The following CDKAL1 variants were observed in gnomAD, a reference collection of about 807,000 sequenced individuals.
CDKAL1 encodes threonylcarbamoyladenosine tRNA methylthiotransferase.
CDKAL1 carries 32 observed loss-of-function variants against 68.2 expected under a neutral mutation model. The ratio of observed to expected loss-of-function variants is 0.47; its 90% CI spans 0.35 to 0.63. The LOEUF (loss-of-function observed/expected upper bound fraction) is 0.63. CDKAL1 is among the 30% of genes least tolerant of loss of function. The pLI, the probability that CDKAL1 is intolerant of heterozygous loss-of-function variation, is 0.00. For missense variants in CDKAL1, 606 were observed against 696.7 expected (o/e 0.87, Z 1.47); for synonymous variants, 234 against 244.3 (o/e 0.96, Z 0.39).
At chr6:20,972,804 G>A (rs1363912820) in intron 10 of CDKAL1, among the ~76,000 whole-genome samples, 2 of 152,128 alleles carry the variant, frequency 1.3e-5, no homozygotes, top group African/African-American at 4.8e-5. Flanking sequence ...TCTTTGACAT[G>A]GGCCTGGATG....
chr6:20,984,362 T>C (rs1581963967), intron 10 of CDKAL1, among the ~76,000 whole-genome samples: 3 of 151,996 alleles, frequency 2.0e-5, no homozygotes, highest in Admixed American at 2.0e-4. Flanking sequence ...GCAAGTGCTT[T>C]TGGGTGCTAG....
chr6:20,693,957 C>G (rs1053251081), intron 5 of CDKAL1, among the ~76,000 whole-genome samples: 3 of 151,436 alleles, frequency 2.0e-5, no homozygotes, highest in Non-Finnish European at 4.4e-5. Flanking sequence ...ACTGCAACCT[C>G]GATCTCCCAG....
At chr6:20,561,855 A>G (rs1764280101) in intron 4 of CDKAL1, among the ~76,000 whole-genome samples, 1 of 152,222 alleles carries the variant, frequency 6.6e-6, no homozygotes, top group African/African-American at 2.4e-5. Context: ...GTGTATGGGA[A>G]TCCCTTGAGT....
At chr6:20,614,195 C>T (rs1766779856) in intron 4 of CDKAL1, among the ~76,000 whole-genome samples, 1 of 152,072 alleles carries the variant, frequency 6.6e-6, no homozygotes, top group African/African-American at 2.4e-5. Flanking sequence ...GATTTTTCCC[C>T]CTTTGCTATA....
intron 11 of CDKAL1, among the ~76,000 whole-genome samples, chr6:21,039,526 T>A (rs184349310): frequency 4.8e-4 from 73 of 152,332 alleles, no homozygotes; most frequent in Non-Finnish European, 8.2e-4. Flanking sequence ...TAAGCTTTAT[T>A]GATAGTGAGA....
intron 5 of CDKAL1, among the ~76,000 whole-genome samples, chr6:20,729,240 A>AT (rs1228032617): frequency 6.6e-6 from 1 of 152,134 alleles, no homozygotes; most frequent in East Asian, 1.9e-4. Flanking sequence ...GTCCCCTTAG[A>AT]TTAGTCTTAA....
chr6:20,761,685 TG>T (rs1404662446), intron 7 of CDKAL1, among the ~76,000 whole-genome samples: 4 of 152,206 alleles, frequency 2.6e-5, no homozygotes, highest in African/African-American at 9.6e-5. Flanking sequence ...ACATACTCTA[TG>T]AGTCCAACTA....
intron 9 of CDKAL1, among the ~76,000 whole-genome samples, chr6:20,922,411 A>G (rs1762998907): frequency 6.6e-6 from 1 of 152,234 alleles, no homozygotes; most frequent in Non-Finnish European, 1.5e-5. Flanking sequence ...TGAGAAAACA[A>G]TGAACTCACC....
intron 13 of CDKAL1, among the ~76,000 whole-genome samples, chr6:21,120,708 A>G (rs747831276): frequency 6.6e-5 from 10 of 152,232 alleles, no homozygotes; most frequent in Non-Finnish European, 1.5e-4. Context: ...TCATACTAGA[A>G]AGTCTTCTGT....
At chr6:21,034,216 A>C (rs1339751759) in intron 11 of CDKAL1, among the ~76,000 whole-genome samples, 2 of 152,188 alleles carry the variant, frequency 1.3e-5, no homozygotes, top group African/African-American at 4.8e-5. Context: ...GCTATAAAGA[A>C]AACAGCAAGA....
Position 20,926,226 on chromosome 6 carries a change from G to T in CDKAL1, c.743-29193G>T, listed in dbSNP as rs375950047. Among the ~76,000 whole-genome samples the T allele has an allele frequency of 1.6e-3, 237 of 152,188 alleles. 8 individuals carry two copies. In the South Asian group the frequency reaches 0.047, roughly 30 times the overall value. ...ACTATATGGTATGTTGAACTCTATAGTTGTTTACATAAAGAATTTGGACTG... is the reference window on the plus strand; with the variant it reads ...ACTATATGGTATGTTGAACTCTATATTTGTTTACATAAAGAATTTGGACTG... On this transcript the variant is annotated intron_variant, in intron 9 of 15. Coordinates refer to ENST00000274695, the MANE Select transcript of CDKAL1 (RefSeq NM_017774.3).
intron 4 of CDKAL1, among the ~76,000 whole-genome samples, chr6:20,567,758 G>C (rs1304373761): frequency 6.6e-6 from 1 of 152,138 alleles, no homozygotes; most frequent in Non-Finnish European, 1.5e-5. Flanking sequence ...TTGTGGCCCA[G>C]GCTGGAGTGC....
intron 13 of CDKAL1, among the ~76,000 whole-genome samples, chr6:21,196,002 T>G (rs1275212339): frequency 2.6e-5 from 4 of 152,236 alleles, no homozygotes; most frequent in Admixed American, 6.5e-5. Context: ...TATGGTTGAT[T>G]AAAAGCCCAG....
chr6:20,875,547 G>T lies in CDKAL1; in HGVS notation c.742+29369G>T, dbSNP rs141771182. On this transcript the variant is annotated intron_variant, in intron 9 of 15. Transcript: ENST00000274695. ...CATTGTCTCTGAGATGTGGGGAGGG[G>T]GGTTGGAAGATTGATTCCAGGAGAG... is the stretch of plus-strand genomic sequence containing the variant. 7.2e-5 allele frequency among the ~76,000 whole-genome samples: 11 copies of T among 152,170 alleles called. No individual in the cohort carries two copies. In the East Asian group the frequency reaches 1.4e-3, roughly 19 times the overall value.
chr6:20,782,307 A>T (rs78376846), intron 8 of CDKAL1, among the ~76,000 whole-genome samples: 14 of 152,234 alleles, frequency 9.2e-5, no homozygotes, highest in Admixed American at 9.2e-4. Flanking sequence ...GTAGACCAGC[A>T]TCTGGCCTTC....
At chr6:20,879,523 G>C (rs1006108995) in intron 9 of CDKAL1, among the ~76,000 whole-genome samples, 2 of 152,176 alleles carry the variant, frequency 1.3e-5, no homozygotes, top group Non-Finnish European at 2.9e-5. Flanking sequence ...TGAAGAACTA[G>C]AGATTCAAAG....
At chr6:20,568,424 G>A (rs1764549196) in intron 4 of CDKAL1, among the ~76,000 whole-genome samples, 1 of 151,904 alleles carries the variant, frequency 6.6e-6, no homozygotes, top group South Asian at 2.1e-4. Flanking sequence ...ACTTTGTAAG[G>A]TAAATAAAGT....
intron 5 of CDKAL1, among the ~76,000 whole-genome samples, chr6:20,694,213 C>T (rs539010529): frequency 3.9e-5 from 6 of 152,110 alleles, no homozygotes; most frequent in East Asian, 1.9e-4. Context: ...AACAAACAAA[C>T]GTATTTTTTG....
At chr6:20,630,720 TG>T (rs1277312951) in intron 4 of CDKAL1, among the ~76,000 whole-genome samples, 18 of 152,246 alleles carry the variant, frequency 1.2e-4, no homozygotes, top group African/African-American at 4.3e-4. Context: ...ATAGCTAGCA[TG>T]GAATCAGCTT....
Sources: gnomAD v4.1 joint callset for allele counts (sites outside exome capture counted in the v4.1 genomes callset) on GRCh38, gnomAD v4.1.1 for gene constraint, MANE v1.5 for transcripts, NCBI Gene and HGNC (gene_info 2026-07-23, HGNC 2026-07-21) for gene names.